The following ASIC2 variants were observed in gnomAD, a reference collection of about 807,000 sequenced individuals.
ASIC2 encodes acid-sensing ion channel 2.
A neutral mutation model predicts 57.3 loss-of-function variants in ASIC2; 25 were observed. The observed-to-expected ratio is 0.44, with a 90% CI of 0.32 to 0.61. The LOEUF is 0.61. Among genes scored for constraint, ASIC2 ranks in the 20% least tolerant of loss-of-function variants. The pLI is 0.06. For synonymous variants in ASIC2, 319 were observed against 307.5 expected, an observed-to-expected ratio of 1.04 and a Z score of -0.39; for missense variants, 641 against 738.1, an observed-to-expected ratio of 0.87 and a Z score of 1.52.
At chr17:33,090,106 C>T (rs58976343) in intron 2 of ASIC2, among the ~76,000 whole-genome samples, 5,029 of 152,250 alleles carry the variant, frequency 0.033, 285 homozygotes, top group African/African-American at 0.11. Flanking sequence ...AGGCACCATG[C>T]GGGGCTGCCT....
intron 1 of ASIC2, chr17:34,038,970 C>CA (rs1425234043): frequency 1.9e-6 from 3 of 1,613,830 alleles, no homozygotes; most frequent in African/African-American, 2.7e-5. Context: ...CCGTGTCGGA[C>CA]GTAGTAAAGT....
chr17:33,274,270 C>T (rs1419676734), intron 1 of ASIC2, among the ~76,000 whole-genome samples: 1 of 152,200 alleles, frequency 6.6e-6, no homozygotes, highest in African/African-American at 2.4e-5. Context: ...GCTCCAACAC[C>T]TACTTGCAGG....
chr17:33,552,374 C>T (rs1915777923), intron 1 of ASIC2, among the ~76,000 whole-genome samples: 1 of 152,188 alleles, frequency 6.6e-6, no homozygotes, highest in Non-Finnish European at 1.5e-5. Flanking sequence ...CTGATAGAAT[C>T]AATACAATCT....
intron 1 of ASIC2, among the ~76,000 whole-genome samples, chr17:33,746,612 C>T (rs1035766028): frequency 1.3e-5 from 2 of 151,748 alleles, no homozygotes; most frequent in African/African-American, 4.8e-5. Flanking sequence ...GAGAAATAGA[C>T]AGCTGAACAA....
chr17:33,468,417 G>A (rs1912931296), intron 1 of ASIC2, among the ~76,000 whole-genome samples: 1 of 152,078 alleles, frequency 6.6e-6, no homozygotes, highest in South Asian at 2.1e-4. Flanking sequence ...ATAAAAATTA[G>A]CTCCTTTAAG....
chr17:33,717,643 G>T (rs1303144080), intron 1 of ASIC2, among the ~76,000 whole-genome samples: 1 of 152,092 alleles, frequency 6.6e-6, no homozygotes, highest in Non-Finnish European at 1.5e-5. Context: ...CTTTATGGAC[G>T]CATGAGATGT....
intron 9 of ASIC2, among the ~76,000 whole-genome samples, chr17:33,014,418 G>A (rs968742198): frequency 1.3e-5 from 2 of 151,956 alleles, no homozygotes; most frequent in Non-Finnish European, 1.5e-5. Flanking sequence ...GGCCTCCCTC[G>A]GGGCTATGGT....
rs184349942 is a variant in ASIC2, at chr17:33,585,778, C to T, written c.556-473711G>A. Among the ~76,000 whole-genome samples, 40 of 152,168 alleles carry T rather than the reference C, an allele frequency of 2.6e-4. No individual in the cohort carries two copies. In the East Asian group the frequency reaches 7.0e-3, roughly 26 times the overall value. On this transcript the variant is annotated intron_variant, in intron 1 of 9. Coordinates refer to the ASIC2 transcript ENST00000359872. ...AGTTTTCCCTTCTGCCCGCTAGTCT[C>T]GATGTTTTATCTAATTTGTAGTTTT...
Position 33,292,283 on chromosome 17 carries a change from C to T in ASIC2, c.-168G>A. The T allele has an allele frequency of 1.0e-6, 1 of 989,004 alleles. No individual in the cohort carries two copies. The highest frequency in any genetic ancestry group is 1.2e-6 in the Non-Finnish European group (1 of 833,438). 61.3% of individuals were successfully genotyped at this position (989,004 alleles called of 1,614,324 possible). ...GGTGGCGCGGCATGCCCGCCCGGCG[C>T]CGCCGCTGCCGCCTCCGCGGGCGCC... On this transcript the variant is annotated 5_prime_UTR_variant, in exon 1 of 10. Coordinates refer to ENST00000225823, the MANE Select transcript of ASIC2 (RefSeq NM_183377.2).
intron 1 of ASIC2, among the ~76,000 whole-genome samples, chr17:33,428,867 G>T (rs911243802): frequency 1.7e-4 from 26 of 152,256 alleles, no homozygotes; most frequent in African/African-American, 6.0e-4. Context: ...GAAAACCTTT[G>T]TCTGTCCTCA....
At chr17:33,116,907 T>A (rs557243784) in intron 1 of ASIC2, among the ~76,000 whole-genome samples, 1 of 152,110 alleles carries the variant, frequency 6.6e-6, no homozygotes, top group Admixed American at 6.5e-5. Flanking sequence ...TGGAATGCAG[T>A]GGCACGATCA....
chr17:33,991,435 C>T (rs1905996496), intron 1 of ASIC2, among the ~76,000 whole-genome samples: 2 of 152,150 alleles, frequency 1.3e-5, no homozygotes, highest in South Asian at 4.1e-4. Context: ...TCCAGATTCC[C>T]CCAATCTATC....
At chr17:34,082,702 T>C (rs1909935660) in intron 1 of ASIC2, among the ~76,000 whole-genome samples, 1 of 152,268 alleles carries the variant, frequency 6.6e-6, no homozygotes, top group African/African-American at 2.4e-5. Context: ...TGCTAGGTAC[T>C]TCATGCATTA....
intron 1 of ASIC2, among the ~76,000 whole-genome samples, chr17:34,106,573 A>G (rs753179553): frequency 6.6e-6 from 1 of 152,192 alleles, no homozygotes; most frequent in Admixed American, 6.5e-5. Flanking sequence ...TAATCTATAT[A>G]CTCAATAAAT....
chr17:34,038,997 G>T (rs1196985407), intron 1 of ASIC2: 1 of 1,614,012 alleles, frequency 6.2e-7, no homozygotes, highest in African/African-American at 1.3e-5. Context: ...GTCTCAAGCG[G>T]TCTTGCATGC....
chr17:33,952,643 T>G (rs75585288), intron 1 of ASIC2, among the ~76,000 whole-genome samples: 1 of 152,312 alleles, frequency 6.6e-6, no homozygotes, highest in African/African-American at 2.4e-5. Context: ...GATAACATAC[T>G]TACTCTGAGT....
intron 1 of ASIC2, among the ~76,000 whole-genome samples, chr17:33,154,069 A>G (rs1395939655): frequency 6.6e-6 from 1 of 152,144 alleles, no homozygotes; most frequent in African/African-American, 2.4e-5. Flanking sequence ...CCTGGGAACT[A>G]GGGTGACCAG....
intron 1 of ASIC2, among the ~76,000 whole-genome samples, chr17:33,342,732 G>C (rs985825207): frequency 4.6e-5 from 7 of 152,146 alleles, no homozygotes; most frequent in African/African-American, 1.7e-4. Context: ...GATCACTTTT[G>C]CTTATCTGAT....
At chr17:33,319,813 C>A (rs1004775977) in intron 1 of ASIC2, among the ~76,000 whole-genome samples, 2 of 152,192 alleles carry the variant, frequency 1.3e-5, no homozygotes, top group Non-Finnish European at 2.9e-5. Flanking sequence ...GGATTAGAGG[C>A]ATGAGCCACT....
Sources: allele counts gnomAD v4.1 joint callset (sites outside exome capture counted in the v4.1 genomes callset), GRCh38; gene constraint gnomAD v4.1.1; transcripts MANE v1.5; gene names NCBI Gene and HGNC (gene_info 2026-07-23, HGNC 2026-07-21).